The following CD247 variants were observed in gnomAD, a reference collection of about 807,000 sequenced individuals.
The protein encoded by CD247 is CD247 molecule, also known as T-cell surface glycoprotein CD3 zeta chain.
In CD247, 13 loss-of-function variants were observed where a neutral mutation model predicts 30.0. The observed-to-expected ratio is 0.43, with a 90% CI of 0.28 to 0.69. The LOEUF is 0.69. Among genes scored for constraint, CD247 ranks in the 30% least tolerant of loss-of-function variants. The pLI is 0.16. For missense variants in CD247, 193 were observed against 212.6 expected, an observed-to-expected ratio of 0.91 and a Z score of 0.57; for synonymous variants, 72 against 80.0, an observed-to-expected ratio of 0.90 and a Z score of 0.53.
chr1:167,478,364 CA>C (rs1308430843), intron 1 of CD247, among the ~76,000 whole-genome samples: 6 of 152,224 alleles, frequency 3.9e-5, no homozygotes, highest in African/African-American at 1.4e-4. Context: ...GCCTTCGGAA[CA>C]TGAAGAATAG....
At chr1:167,456,529 A>G (rs1213078750) in intron 1 of CD247, among the ~76,000 whole-genome samples, 1 of 152,240 alleles carries the variant, frequency 6.6e-6, no homozygotes, top group Non-Finnish European at 1.5e-5. Flanking sequence ...CTTGGCTCAC[A>G]GCAGAGGCCA....
chr1:167,507,362 C>A (rs775932451), intron 1 of CD247, among the ~76,000 whole-genome samples: 7 of 152,030 alleles, frequency 4.6e-5, no homozygotes, highest in African/African-American at 7.2e-5. Context: ...TGAACCAGGC[C>A]TCTTTTCTGA....
intron 1 of CD247, among the ~76,000 whole-genome samples, chr1:167,507,933 G>A (rs1655214751): frequency 6.6e-6 from 1 of 152,172 alleles, no homozygotes; most frequent in South Asian, 2.1e-4. Context: ...ATTTTCTGAG[G>A]AAGCTATGGT....
intron 1 of CD247, among the ~76,000 whole-genome samples, chr1:167,475,256 G>A (rs529870688): frequency 2.2e-4 from 34 of 152,036 alleles, no homozygotes; most frequent in Admixed American, 6.6e-4. Context: ...TGCACCTGTC[G>A]CACAACATCA....
chr1:167,432,473 A>G (rs1410848590), intron 7 of CD247, among the ~76,000 whole-genome samples: 1 of 152,228 alleles, frequency 6.6e-6, no homozygotes, highest in Admixed American at 6.5e-5. Context: ...GAAGGAGGGA[A>G]ATGACAACCC....
chr1:167,492,068 T>C (rs912434314), intron 1 of CD247, among the ~76,000 whole-genome samples: 10 of 152,102 alleles, frequency 6.6e-5, no homozygotes, highest in African/African-American at 2.4e-4. Flanking sequence ...TGCGCAACAA[T>C]ATGAATGTAC....
At chr1:167,514,657 C>T (rs1655527834) in intron 1 of CD247, among the ~76,000 whole-genome samples, 1 of 151,880 alleles carries the variant, frequency 6.6e-6, no homozygotes, top group South Asian at 2.1e-4. Flanking sequence ...TGACGAACAC[C>T]ATCACTTTAG....
At position 167,433,624 on chromosome 1, in the gene CD247, C is replaced by G. The variant is rs143704346; in HGVS notation, c.393+396G>C. On this transcript the variant is annotated intron_variant, in intron 6 of 7. Transcript: ENST00000362089. The stretch of plus-strand genomic sequence containing the variant: ...GCTTCACTCTCACCATTTTGAAATT[C>G]TTAATTGTTGATGAACAATTAATTG... Among the ~76,000 whole-genome samples the G allele has an allele frequency of 7.2e-5, 11 of 152,264 alleles. No individual in the cohort carries two copies. In the East Asian group the frequency reaches 9.7e-4, roughly 13 times the overall value.
intron 1 of CD247, among the ~76,000 whole-genome samples, chr1:167,463,147 T>G (rs911787252): frequency 2.0e-5 from 3 of 152,176 alleles, no homozygotes; most frequent in African/African-American, 7.2e-5. Context: ...TGAGCATGGG[T>G]TGCTCTCGGC....
chr1:167,437,918 CTTAAT>C (rs1241228531), intron 4 of CD247, among the ~76,000 whole-genome samples: 3 of 152,136 alleles, frequency 2.0e-5, no homozygotes, highest in African/African-American at 7.2e-5. Context: ...TGTTAATTAG[CTTAAT>C]TTAATCATTT....
Position 167,439,382 on chromosome 1 carries a change from C to A in CD247, c.181G>T (p.Ala61Ser). The change falls in exon 3 of 8, where the codon GCC (alanine) becomes TCC (serine). Residue 61 changes from alanine to serine, a missense_variant. By Grantham distance (99) the Ala-to-Ser change is moderately conservative. Coordinates refer to ENST00000362089, the MANE Select transcript of CD247 (RefSeq NM_198053.3). ...TTCTGGCCCTGCTGGTACGCGGGGG[C>A]GTCTGCGCTCCTGCTGAACTGCAAC... ...LRVKFSRSAD[A>S]PAYQQGQNQL... 1.2e-6 allele frequency: 2 copies of A among 1,614,112 alleles called. No homozygotes were observed. Among genetic ancestry groups the A allele is most frequent in the Non-Finnish European group, 1.7e-6 (2 of 1,179,966 alleles).
chr1:167,439,515 C>A, intron 2 of CD247, 115 bp from the exon 3 acceptor site: 1 of 875,024 alleles, frequency 1.1e-6, no homozygotes, highest in African/African-American at 1.6e-5. Context: ...TGGCAACTAA[C>A]AATGCTGCCC....
chr1:167,473,485 A>C (rs991195777), intron 1 of CD247, among the ~76,000 whole-genome samples: 1 of 152,150 alleles, frequency 6.6e-6, no homozygotes, highest in Non-Finnish European at 1.5e-5. Context: ...GCTTCTCGCC[A>C]ACTCCTTCAA....
At position 167,484,503 on chromosome 1, in the gene CD247, G is replaced by A. The variant is rs374248456; in HGVS notation, c.58+33905C>T. The stretch of plus-strand genomic sequence containing the variant: ...TTTTAAGAGCCCTGTTCAGCCAGGC[G>A]CGGTGGCTCACGCCTGTGATCCCAG... On this transcript the variant is annotated intron_variant, in intron 1 of 7. Coordinates refer to ENST00000362089, the MANE Select transcript of CD247 (RefSeq NM_198053.3). 4.6e-4 allele frequency among the ~76,000 whole-genome samples: 70 copies of A among 152,350 alleles called. 1 individual carries two copies. In the South Asian group the frequency reaches 0.014, roughly 31 times the overall value.
At chr1:167,473,540 AG>A (rs1407191093) in intron 1 of CD247, among the ~76,000 whole-genome samples, 2 of 152,116 alleles carry the variant, frequency 1.3e-5, no homozygotes, top group Non-Finnish European at 2.9e-5. Flanking sequence ...TATTCCCATT[AG>A]AAAAAAAAAT....
At chr1:167,456,251 ATGCCGGCAC>A (rs966945779) in intron 1 of CD247, among the ~76,000 whole-genome samples, 7 of 151,734 alleles carry the variant, frequency 4.6e-5, no homozygotes, top group Admixed American at 3.9e-4. Flanking sequence ...CCGAGAATAC[ATGCCGGCAC>A]TGCCTGTGCC....
At chr1:167,440,602 C>G (rs1651781190) in intron 2 of CD247, 62 bp downstream of exon 2, 1 of 1,113,422 alleles carries the variant, frequency 9.0e-7, no homozygotes, top group African/African-American at 1.5e-5. Context: ...GACCAAGGCC[C>G]CTCTGAACAT....
In CD247 at chr1:167,446,821, G is replaced by A. The variant is rs545463446; in HGVS notation, c.59-6054C>T. The stretch of plus-strand genomic sequence containing the variant: ...ATCCTGGCTAACATGGTGAAACCCC[G>A]TCTCTACTAAAAAATACAAAAAAAT... On this transcript the variant is annotated intron_variant, in intron 1 of 7. Coordinates refer to ENST00000362089, the MANE Select transcript of CD247 (RefSeq NM_198053.3). Among the ~76,000 whole-genome samples, 197 of 152,228 alleles carry A rather than the reference G, an allele frequency of 1.3e-3. 1 individual carries two copies. Among genetic ancestry groups the A allele is most frequent in the Middle Eastern group, 3.4e-3 (1 of 294 alleles).
chr1:167,501,849 T>C (rs1310639824), intron 1 of CD247, among the ~76,000 whole-genome samples: 2 of 152,216 alleles, frequency 1.3e-5, no homozygotes, highest in African/African-American at 4.8e-5. Flanking sequence ...GGAGCCGAGA[T>C]GTCAGAGCTG....
Sources: gnomAD v4.1 joint callset for allele counts (sites outside exome capture counted in the v4.1 genomes callset) on GRCh38, gnomAD v4.1.1 for gene constraint, MANE v1.5 for transcripts, NCBI Gene and HGNC (gene_info 2026-07-23, HGNC 2026-07-21) for gene names.